Variants in DACH1 observed in about 807,000 individuals in gnomAD.
DACH1 encodes dachshund homolog 1.
Under a neutral mutation model 54.2 loss-of-function variants are expected in DACH1, and 12 were observed. The ratio of observed to expected loss-of-function variants is 0.22; its 90% confidence interval spans 0.14 to 0.36. The LOEUF (loss-of-function observed/expected upper bound fraction) is 0.36. DACH1 is among the 10% of genes least tolerant of loss of function. DACH1 has a pLI of 1.00. For missense variants in DACH1, 805 were observed against 929.8 expected, an observed-to-expected ratio of 0.87 and a Z score of 1.75; for synonymous variants, 386 against 366.2, an observed-to-expected ratio of 1.05 and a Z score of -0.62.
At chr13:71,608,289 A>G (rs1875036813) in intron 3 of DACH1, among the ~76,000 whole-genome samples, 1 of 152,030 alleles carries the variant, frequency 6.6e-6, no homozygotes, top group South Asian at 2.1e-4. Flanking sequence ...AAAGACTAAT[A>G]CACATTAAAA....
chr13:71,730,600 C>T (rs1566463536), intron 1 of DACH1, among the ~76,000 whole-genome samples: 3 of 152,114 alleles, frequency 2.0e-5, no homozygotes, highest in South Asian at 2.1e-4. Flanking sequence ...TGTTTGCACA[C>T]ACATACACAC....
In DACH1 at chr13:71,479,254, T is replaced by G; in HGVS notation, c.1785A>C (p.Lys595Asn). ...RAQEKQVQLE[K>N]TELKMDFLRE... ...TTAAAAAATCCATCTTCAGCTCAGT[T>G]TTTTCCAGTTGGACCTGTTTCTCTT... The change falls in exon 8 of 11, where the codon AAA (lysine) becomes AAC (asparagine). Residue 595 changes from lysine to asparagine, a missense_variant. Lys to Asn is a moderately conservative substitution (Grantham distance 94). Transcript: ENST00000613252. The G allele has an allele frequency of 1.9e-6, 3 of 1,613,850 alleles. No homozygotes were observed. The highest frequency in any genetic ancestry group is 8.5e-7 in the Non-Finnish European group (1 of 1,179,880).
intron 2 of DACH1, among the ~76,000 whole-genome samples, chr13:71,647,130 A>T (rs781253407): frequency 6.6e-5 from 10 of 152,220 alleles, no homozygotes; most frequent in Non-Finnish European, 2.9e-5. Flanking sequence ...TCACTTTATA[A>T]CTGTTAATAA....
In DACH1 at chr13:71,630,857, T is replaced by C. The variant is rs574014046; in HGVS notation, c.965-140A>G. 1.1e-5 allele frequency: 11 copies of C among 968,274 alleles called. No individual in the cohort carries two copies. In the South Asian group the frequency reaches 2.6e-4, roughly 22 times the overall value. 60.0% of individuals were successfully genotyped at this position (968,274 alleles called of 1,614,324 possible). On this transcript the variant is annotated intron_variant, in intron 2 of 10. Coordinates refer to ENST00000613252, the MANE Select transcript of DACH1 (RefSeq NM_080759.6). ...GCAACACTTTGATAACTTATACTCATTCCCAACTAGACAATGAAACAACAT... is the reference window on the plus strand; with the variant it reads ...GCAACACTTTGATAACTTATACTCACTCCCAACTAGACAATGAAACAACAT...
intron 1 of DACH1, among the ~76,000 whole-genome samples, chr13:71,687,892 G>A (rs1163390920): frequency 6.6e-6 from 1 of 152,178 alleles, no homozygotes; most frequent in Admixed American, 6.5e-5. Flanking sequence ...TACAGTGTGA[G>A]CCACCGCACC....
intron 1 of DACH1, among the ~76,000 whole-genome samples, chr13:71,773,487 G>A (rs1000875095): frequency 1.3e-4 from 19 of 151,916 alleles, no homozygotes; most frequent in Admixed American, 2.0e-4. Context: ...CCAATGAAAT[G>A]TTTGGTAATT....
At chr13:71,454,754 T>C (rs1018728699) in intron 10 of DACH1, among the ~76,000 whole-genome samples, 1 of 152,138 alleles carries the variant, frequency 6.6e-6, no homozygotes, top group African/African-American at 2.4e-5. Flanking sequence ...GAGATGACTG[T>C]AGGCCTGCCA....
chr13:71,469,265 T>C (rs1876859352), intron 10 of DACH1, among the ~76,000 whole-genome samples: 1 of 152,020 alleles, frequency 6.6e-6, no homozygotes. Flanking sequence ...TTTTAATGAG[T>C]AAATACTTCC....
At chr13:71,785,394 G>A (rs1368154247) in intron 1 of DACH1, among the ~76,000 whole-genome samples, 2 of 152,144 alleles carry the variant, frequency 1.3e-5, no homozygotes, top group East Asian at 3.9e-4. Flanking sequence ...ATAACCCAAA[G>A]AGCATACCGT....
chr13:71,837,451 A>G (rs1291147829), intron 1 of DACH1, among the ~76,000 whole-genome samples: 2 of 152,062 alleles, frequency 1.3e-5, no homozygotes, highest in African/African-American at 4.8e-5. Context: ...TGTAACAGAC[A>G]CCTGAGCTGG....
At chr13:71,805,176 T>C (rs570061026) in intron 1 of DACH1, among the ~76,000 whole-genome samples, 1 of 152,202 alleles carries the variant, frequency 6.6e-6, no homozygotes, top group African/African-American at 2.4e-5. Context: ...TTGTAAAGAG[T>C]CAATAACCTT....
intron 1 of DACH1, among the ~76,000 whole-genome samples, chr13:71,733,497 T>C (rs1883845490): frequency 6.6e-6 from 1 of 152,170 alleles, no homozygotes; most frequent in African/African-American, 2.4e-5. Flanking sequence ...TGCTATTTGA[T>C]ATATTTATTC....
intron 10 of DACH1, among the ~76,000 whole-genome samples, chr13:71,449,990 G>A (rs1239265526): frequency 2.6e-5 from 4 of 151,446 alleles, no homozygotes; most frequent in Non-Finnish European, 2.9e-5. Flanking sequence ...TACTGGGTTC[G>A]GCACGCCAAC....
chr13:71,814,356 T>C (rs1298314688), intron 1 of DACH1, among the ~76,000 whole-genome samples: 1 of 152,208 alleles, frequency 6.6e-6, no homozygotes, highest in Non-Finnish European at 1.5e-5. Context: ...TTTGTGAAAA[T>C]ATACTTAATT....
At chr13:71,693,296 C>CTTTT (rs869289138) in intron 1 of DACH1, among the ~76,000 whole-genome samples, 57 of 90,952 alleles carry the variant, frequency 6.3e-4, no homozygotes, top group Non-Finnish European at 8.5e-4. Context: ...ATTTGTTTTG[C>CTTTT]TTTTTTTTTT....
intron 1 of DACH1, among the ~76,000 whole-genome samples, chr13:71,747,563 A>G (rs1162804992): frequency 1.3e-5 from 2 of 152,162 alleles, no homozygotes; most frequent in East Asian, 3.8e-4. Context: ...CCTGGGTGAC[A>G]GAGTGAGACT....
intron 1 of DACH1, among the ~76,000 whole-genome samples, chr13:71,733,981 G>A (rs1052343881): frequency 5.9e-5 from 9 of 151,796 alleles, no homozygotes; most frequent in Admixed American, 1.3e-4. Context: ...CCTGGGGATC[G>A]GAGGTTGCAC....
chr13:71,464,238 G>A (rs192019630), intron 10 of DACH1, among the ~76,000 whole-genome samples: 5 of 151,776 alleles, frequency 3.3e-5, no homozygotes, highest in African/African-American at 1.2e-4. Flanking sequence ...AAAAAAATGA[G>A]CTGGTCTTTA....
At chr13:71,460,350 G>A (rs1555282698) in intron 10 of DACH1, among the ~76,000 whole-genome samples, 2 of 151,942 alleles carry the variant, frequency 1.3e-5, no homozygotes, top group Admixed American at 6.6e-5. Context: ...TGTTATCAGT[G>A]TTTTTGGAAT....
Sources: gnomAD v4.1 joint callset for allele counts (sites outside exome capture counted in the v4.1 genomes callset) on GRCh38, gnomAD v4.1.1 for gene constraint, MANE v1.5 for transcripts, NCBI Gene and HGNC (gene_info 2026-07-23, HGNC 2026-07-21) for gene names.